The following PPP1R3B variants were observed in gnomAD, a reference collection of about 807,000 sequenced individuals.
PPP1R3B encodes the protein protein phosphatase 1 regulatory subunit 3B.
A neutral mutation model predicts 14.6 loss-of-function variants in PPP1R3B; 8 were observed. The ratio of observed to expected loss-of-function variants is 0.55; its 90% CI spans 0.32 to 0.99. PPP1R3B has a LOEUF of 0.99. Ranked by LOEUF, PPP1R3B falls within the 50% of genes least tolerant of loss-of-function variation. PPP1R3B has a pLI of 0.04. For missense variants in PPP1R3B, 452 were observed against 360.1 expected, an observed-to-expected ratio of 1.26 and a Z score of -2.07; for synonymous variants, 169 against 142.0, an observed-to-expected ratio of 1.19 and a Z score of -1.35.
rs925582747 is a variant in PPP1R3B at position 9,139,448 on chromosome 8, A to T, written c.*1346T>A. 3.3e-5 allele frequency: 5 copies of T among 152,254 alleles called. No homozygotes were observed. The highest frequency in any genetic ancestry group is 1.2e-4 in the African/African-American group (5 of 41,460). The allele number at this position is 152,254 out of a possible 1,614,324, so 9.4% of individuals were successfully genotyped here. On this transcript the variant is annotated 3_prime_UTR_variant, in exon 2 of 2. Coordinates refer to ENST00000310455, the MANE Select transcript of PPP1R3B (RefSeq NM_024607.4). Reference sequence around the variant, plus strand: ...AGATAGTGTGAATCACAGTCACGATAAAACCATTTTCTGAAGGTTTCGAGG... The same window carrying T: ...AGATAGTGTGAATCACAGTCACGATTAAACCATTTTCTGAAGGTTTCGAGG...
rs947015020 is a variant in PPP1R3B, at chr8:9,141,233, A to C, written c.419T>G (p.Leu140Arg). 1.2e-6 allele frequency: 2 copies of C among 1,614,054 alleles called. No homozygotes were observed. Among genetic ancestry groups the C allele is most frequent in the East Asian group, 2.2e-5 (1 of 44,890 alleles). Residue 140 changes from leucine to arginine, a missense_variant, in exon 2 of 2, where the codon CTC becomes CGC. Leu to Arg is a moderately radical substitution (Grantham distance 102). Coordinates refer to ENST00000310455, the MANE Select transcript of PPP1R3B (RefSeq NM_024607.4). ...ADHVCLENCV[L>R]KDKAIAGTVK... ...AGTGCCTGCAATGGCCTTGTCCTTG[A>C]GCACACAGTTCTCAAGGCAGACGTG...
chr8:9,144,550 T>C (rs1368945589), intron 1 of PPP1R3B, among the ~76,000 whole-genome samples: 4 of 152,144 alleles, frequency 2.6e-5, no homozygotes, highest in African/African-American at 9.7e-5. Context: ...TTTTTAATCA[T>C]TTTTTATCCT....
In PPP1R3B at chr8:9,141,156, A is replaced by T. The variant is rs1490141390; in HGVS notation, c.496T>A (p.Phe166Ile). The T allele has an allele frequency of 6.2e-7, 1 of 1,613,920 alleles. No individual in the cohort carries two copies. The highest frequency in any genetic ancestry group is 8.5e-7 in the Non-Finnish European group (1 of 1,180,014). The change falls in exon 2 of 2, where the codon TTC (phenylalanine) becomes ATC (isoleucine). Residue 166 changes from phenylalanine to isoleucine, a missense_variant. Physicochemically the swap from Phe to Ile is conservative, Grantham distance 21. Coordinates refer to ENST00000310455, the MANE Select transcript of PPP1R3B (RefSeq NM_024607.4). Reference sequence around the variant, plus strand: ...TCTGTGTAGCTCTTCCAGGTGTCGAACGTCATCCTTATTTTCACGGTCTTC... The same window carrying T: ...TCTGTGTAGCTCTTCCAGGTGTCGATCGTCATCCTTATTTTCACGGTCTTC... ...FEKTVKIRMT[F>I]DTWKSYTDFP...
In PPP1R3B at chr8:9,138,693, A is replaced by G. The variant is rs2117591474; in HGVS notation, c.*2101T>C. The G allele has an allele frequency of 6.6e-6, 1 of 152,244 alleles. No individual in the cohort carries two copies. Among genetic ancestry groups the G allele is most frequent in the Admixed American group, 6.5e-5 (1 of 15,296 alleles). 9.4% of individuals were successfully genotyped at this position (152,244 alleles called of 1,614,324 possible). A position where few individuals can be genotyped will look rare whatever the true frequency, so the allele number is the denominator to read the frequency against. On this transcript the variant is annotated 3_prime_UTR_variant, in exon 2 of 2. Coordinates refer to ENST00000310455, the MANE Select transcript of PPP1R3B (RefSeq NM_024607.4). ...TCCAAATCCAGGCAACTGTGCTTCC[A>G]CTCCTCTTCTTGCTTGCCTTAGGAA...
chr8:9,141,010 G>A lies in PPP1R3B; in HGVS notation c.642C>T (p.Tyr214=), dbSNP rs375724445. ...CCCAGTACGTCTGTCCATTGCACTC[G>A]TAGTACACAGCAAACTCCATTCTTT... The part of the protein sequence containing the change: ...SYERMEFAVY[Y]ECNGQTYWDS... The change falls in exon 2 of 2, where the codon TAC becomes TAT. Residue 214 remains tyrosine (Y), a synonymous_variant. Coordinates refer to ENST00000310455, the MANE Select transcript of PPP1R3B (RefSeq NM_024607.4). 1.4e-5 allele frequency: 23 copies of A among 1,614,022 alleles called. No individual in the cohort carries two copies. Among genetic ancestry groups the A allele is most frequent in the South Asian group, 4.4e-5 (4 of 91,088 alleles).
At chr8:9,146,328 G>C (rs529216496) in intron 1 of PPP1R3B, among the ~76,000 whole-genome samples, 11 of 152,238 alleles carry the variant, frequency 7.2e-5, no homozygotes, top group Non-Finnish European at 1.3e-4. Context: ...TATGGCACAG[G>C]TGTAGGTGTG....
At chr8:9,143,688 T>A (rs1395058268) in intron 1 of PPP1R3B, among the ~76,000 whole-genome samples, 1 of 151,938 alleles carries the variant, frequency 6.6e-6, no homozygotes, top group East Asian at 1.9e-4. Context: ...AGAGCAAGAC[T>A]CTGTCTCAAA....
At chr8:9,142,211 C>T (rs1324224430) in intron 1 of PPP1R3B, 2 of 152,842 alleles carry the variant, frequency 1.3e-5, no homozygotes, top group Non-Finnish European at 2.9e-5. Flanking sequence ...ATCCTCCCAC[C>T]TCAGCCTCCC....
In PPP1R3B at chr8:9,141,052, C is replaced by T. The variant is rs1293583504; in HGVS notation, c.600G>A (p.Glu200=). The T allele has an allele frequency of 1.2e-6, 2 of 1,614,202 alleles. No individual in the cohort carries two copies. Among genetic ancestry groups the T allele is most frequent in the South Asian group, 1.1e-5 (1 of 91,088 alleles). Residue 200 remains glutamate (E), a synonymous_variant, in exon 2 of 2, where the codon GAG becomes GAA. Coordinates refer to ENST00000310455, the MANE Select transcript of PPP1R3B (RefSeq NM_024607.4). ...DTFSFDISLP[E]KIQSYERMEF... ...CCATTCTTTCATAAGACTGAATCTT[C>T]TCGGGCAAGCTGATGTCGAAGGAGA...
In PPP1R3B at chr8:9,141,378, T is replaced by C. The variant is rs1801080928; in HGVS notation, c.274A>G (p.Ile92Val). 1.2e-6 allele frequency: 2 copies of C among 1,614,210 alleles called. No homozygotes were observed. The highest frequency in any genetic ancestry group is 2.2e-5 in the East Asian group (1 of 44,890). The change falls in exon 2 of 2, where the codon ATC (isoleucine) becomes GTC (valine). Residue 92 changes from isoleucine to valine, a missense_variant. By Grantham distance (29) the Ile-to-Val change is conservative. Transcript: ENST00000310455. ...ACAATGTTGTCTAGGAGCTCGGTGATGTTGAATGGCATATCTAGCGGGTCA... is the reference window on the plus strand; with the variant it reads ...ACAATGTTGTCTAGGAGCTCGGTGACGTTGAATGGCATATCTAGCGGGTCA... ...FDDPLDMPFN[I>V]TELLDNIVSL...
chr8:9,146,610 C>T (rs917219929), intron 1 of PPP1R3B, among the ~76,000 whole-genome samples: 2 of 152,190 alleles, frequency 1.3e-5, no homozygotes, highest in Admixed American at 6.5e-5. Context: ...CAGAGAAATA[C>T]ACATATTCGG....
chr8:9,138,819 C>T lies in PPP1R3B; in HGVS notation c.*1975G>A, dbSNP rs11777327. 2 of 152,190 alleles carry T rather than the reference C, an allele frequency of 1.3e-5. No homozygotes were observed. Among genetic ancestry groups the T allele is most frequent in the African/African-American group, 2.4e-5 (1 of 41,456 alleles). The allele number at this position is 152,190 out of a possible 1,614,324, so 9.4% of individuals were successfully genotyped here. A position where few individuals can be genotyped will look rare whatever the true frequency, so the allele number is the denominator to read the frequency against. ...TAGAAAATAAAAAACCAACTTCCTA[C>T]AAGTATACTTGTAAAAATATATTTT... On this transcript the variant is annotated 3_prime_UTR_variant, in exon 2 of 2. Coordinates refer to ENST00000310455, the MANE Select transcript of PPP1R3B (RefSeq NM_024607.4).
chr8:9,147,166 C>A (rs1801265676), intron 1 of PPP1R3B, among the ~76,000 whole-genome samples: 1 of 151,940 alleles, frequency 6.6e-6, no homozygotes, highest in Non-Finnish European at 1.5e-5. Context: ...ACCACCACCC[C>A]CAGCTAATTT....
Position 9,141,205 on chromosome 8 carries a change from C to T in PPP1R3B, c.447G>A (p.Val149=). ...TCTCAAATGCGAGGTTCTGAACCTT[C>T]ACAGTGCCTGCAATGGCCTTGTCCT... ...VLKDKAIAGT[V]KVQNLAFEKT... The change falls in exon 2 of 2, where the codon GTG becomes GTA. Residue 149 remains valine, a synonymous_variant. Coordinates refer to ENST00000310455, the MANE Select transcript of PPP1R3B (RefSeq NM_024607.4). 2.5e-6 allele frequency: 4 copies of T among 1,614,210 alleles called. No homozygotes were observed. The highest frequency in any genetic ancestry group is 3.4e-6 in the Non-Finnish European group (4 of 1,180,036).
chr8:9,141,030 T>C lies in PPP1R3B; in HGVS notation c.622A>G (p.Met208Val), dbSNP rs1226262073. The C allele has an allele frequency of 6.2e-7, 1 of 1,614,054 alleles. No homozygotes were observed. The highest frequency in any genetic ancestry group is 8.5e-7 in the Non-Finnish European group (1 of 1,180,038). Residue 208 changes from methionine (M) to valine (V), a missense_variant, in exon 2 of 2, where the codon ATG (methionine) becomes GTG (valine). Physicochemically the swap from Met to Val is conservative, Grantham distance 21. Transcript: ENST00000310455. ...CACTCGTAGTACACAGCAAACTCCA[T>C]TCTTTCATAAGACTGAATCTTCTCG... ...LPEKIQSYERMEFAVYYECNG... is the reference protein window; with the variant it reads ...LPEKIQSYERVEFAVYYECNG...
rs991254791 is a variant in PPP1R3B, at chr8:9,138,857, A to T, written c.*1937T>A. 9.9e-5 allele frequency: 15 copies of T among 152,152 alleles called. 1 individual carries two copies. Among genetic ancestry groups the T allele is most frequent in the Non-Finnish European group, 1.0e-4 (7 of 68,038 alleles). 9.4% of individuals were successfully genotyped at this position (152,152 alleles called of 1,614,324 possible). A position where few individuals can be genotyped will look rare whatever the true frequency, so the allele number is the denominator to read the frequency against. On this transcript the variant is annotated 3_prime_UTR_variant, in exon 2 of 2. Transcript: ENST00000310455. ...AAAAATATATTTTTAAAGCACCCCT[A>T]AGTAAACACCAATCTTGCCCAAGAA...
rs748692259 is a variant in PPP1R3B, at chr8:9,141,634, G to A, written c.18C>T (p.Ile6=). 8.1e-6 allele frequency: 13 copies of A among 1,613,514 alleles called. No individual in the cohort carries two copies. In the East Asian group the frequency reaches 2.7e-4, roughly 33 times the overall value. MMAVD[I]EYRYNCMAPS... ...GAGCCATGCAGTTGTATCTGTACTC[G>A]ATGTCCACAGCCATCATGGGGCTAG... Residue 6 remains isoleucine, a synonymous_variant, in exon 2 of 2, where the codon ATC becomes ATT. Coordinates refer to ENST00000310455, the MANE Select transcript of PPP1R3B (RefSeq NM_024607.4).
Position 9,140,757 on chromosome 8 carries a change from C to T in PPP1R3B, c.*37G>A. 4 of 1,603,604 alleles carry T rather than the reference C, an allele frequency of 2.5e-6. No individual in the cohort carries two copies. The highest frequency in any genetic ancestry group is 3.4e-6 in the Non-Finnish European group (4 of 1,174,478). Reference sequence around the variant, plus strand: ...GCACAGTGAGCAGAGCTAGGCTTGTCTGTGGCAGCTCCGCCACGCCCTGTC... The same window carrying T: ...GCACAGTGAGCAGAGCTAGGCTTGTTTGTGGCAGCTCCGCCACGCCCTGTC... On this transcript the variant is annotated 3_prime_UTR_variant, in exon 2 of 2. Coordinates refer to ENST00000310455, the MANE Select transcript of PPP1R3B (RefSeq NM_024607.4).
At chr8:9,142,522 G>C (rs1473660042) in intron 1 of PPP1R3B, 1 of 152,054 alleles carries the variant, frequency 6.6e-6, no homozygotes, top group African/African-American at 2.4e-5. Context: ...TTTGCAGTGA[G>C]AACACTTAAA....
Sources: allele counts gnomAD v4.1 joint callset (sites outside exome capture counted in the v4.1 genomes callset), GRCh38; gene constraint gnomAD v4.1.1; transcripts MANE v1.5; gene names NCBI Gene and HGNC (gene_info 2026-07-23, HGNC 2026-07-21).